Variants in TEAD1 observed in about 807,000 individuals in gnomAD.
TEAD1 encodes TEA domain transcription factor 1.
In TEAD1, 9 loss-of-function variants were observed where a neutral mutation model predicts 54.9. That is an observed-to-expected ratio of 0.16 (90% CI 0.10 to 0.29). The LOEUF is 0.29. Among genes scored for constraint, TEAD1 ranks in the 10% least tolerant of loss-of-function variants. The probability of loss-of-function intolerance (pLI) is 1.00; values close to 1 mark genes in which losing one functional copy is unlikely to be tolerated. For synonymous variants in TEAD1, 200 were observed against 187.8 expected, an observed-to-expected ratio of 1.07 and a Z score of -0.53; for missense variants, 387 against 535.9, an observed-to-expected ratio of 0.72 and a Z score of 2.74.
chr11:12,881,314 T>A (rs941972958), intron 7 of TEAD1, among the ~76,000 whole-genome samples: 1 of 152,140 alleles, frequency 6.6e-6, no homozygotes, highest in Non-Finnish European at 1.5e-5. Context: ...AGTGGACCCC[T>A]CTTCCTTCAT....
chr11:12,800,851 A>G (rs1309235775), intron 3 of TEAD1, among the ~76,000 whole-genome samples: 1 of 152,144 alleles, frequency 6.6e-6, no homozygotes, highest in Admixed American at 6.5e-5. Flanking sequence ...AGAGTCCTAT[A>G]TAGCTGTCTT....
chr11:12,826,657 A>C (rs923520346), intron 3 of TEAD1, among the ~76,000 whole-genome samples: 9 of 152,154 alleles, frequency 5.9e-5, no homozygotes, highest in Admixed American at 2.6e-4. Context: ...CAAATCCTTC[A>C]CTTCATCTGC....
chr11:12,736,560 A>G (rs979973209), intron 2 of TEAD1, among the ~76,000 whole-genome samples: 19 of 152,226 alleles, frequency 1.2e-4, no homozygotes, highest in African/African-American at 2.7e-4. Context: ...ATGTGCGTCT[A>G]TGAATATTTA....
At chr11:12,749,639 C>G (rs994308461) in intron 2 of TEAD1, among the ~76,000 whole-genome samples, 1 of 152,196 alleles carries the variant, frequency 6.6e-6, no homozygotes, top group Non-Finnish European at 1.5e-5. Context: ...TGATGTCAGA[C>G]ATGAGCGCAT....
intron 8 of TEAD1, among the ~76,000 whole-genome samples, chr11:12,882,208 G>A (rs910846383): frequency 8.5e-5 from 13 of 152,164 alleles, no homozygotes; most frequent in Non-Finnish European, 2.9e-5. Flanking sequence ...CACTGAAGAC[G>A]CTGGATTATC....
chr11:12,762,706 T>C (rs972408088), intron 2 of TEAD1, among the ~76,000 whole-genome samples: 29 of 152,274 alleles, frequency 1.9e-4, no homozygotes, highest in African/African-American at 6.7e-4. Flanking sequence ...GTTATAGTTA[T>C]ACCATTAATT....
intron 12 of TEAD1, among the ~76,000 whole-genome samples, chr11:12,936,192 T>TG (rs1329457491): frequency 6.6e-6 from 1 of 152,282 alleles, no homozygotes; most frequent in South Asian, 2.1e-4. Context: ...GAGAATAGCA[T>TG]GGGGAATTGA....
At chr11:12,894,659 G>A (rs186500981) in intron 9 of TEAD1, among the ~76,000 whole-genome samples, 351 of 152,322 alleles carry the variant, frequency 2.3e-3, no homozygotes, top group African/African-American at 8.0e-3. Context: ...CACTACCCTA[G>A]CACCGATGGT....
intron 9 of TEAD1, among the ~76,000 whole-genome samples, chr11:12,888,999 TTGG>T (rs1471896750): frequency 2.6e-5 from 4 of 152,082 alleles, no homozygotes; most frequent in East Asian, 1.9e-4. Flanking sequence ...CTTCCCCAAG[TTGG>T]TGGTGGTTTA....
At chr11:12,798,311 C>T (rs1945979520) in intron 3 of TEAD1, among the ~76,000 whole-genome samples, 1 of 152,206 alleles carries the variant, frequency 6.6e-6, no homozygotes, top group East Asian at 1.9e-4. Flanking sequence ...TTATTTCTCT[C>T]TCTTTCCTTT....
At chr11:12,859,721 A>G (rs1947460928) in intron 3 of TEAD1, among the ~76,000 whole-genome samples, 1 of 152,210 alleles carries the variant, frequency 6.6e-6, no homozygotes, top group African/African-American at 2.4e-5. Flanking sequence ...GCAGGCAGGA[A>G]TGATAGACTG....
intron 8 of TEAD1, 118 bp downstream of exon 8, chr11:12,882,075 CT>C: frequency 9.0e-7 from 1 of 1,114,242 alleles, no homozygotes; most frequent in Non-Finnish European, 1.3e-6. Context: ...CACATTGCCC[CT>C]GACTTGCAGG....
At chr11:12,882,463 C>T (rs1947993442) in intron 8 of TEAD1, among the ~76,000 whole-genome samples, 1 of 152,204 alleles carries the variant, frequency 6.6e-6, no homozygotes, top group Non-Finnish European at 1.5e-5. Flanking sequence ...TGTAGAATTA[C>T]TCCTTTGCAC....
chr11:12,752,326 T>C (rs1944892507), intron 2 of TEAD1, among the ~76,000 whole-genome samples: 1 of 151,542 alleles, frequency 6.6e-6, no homozygotes. Context: ...GTCCCTTGTG[T>C]TTTTCCATTT....
At chr11:12,740,115 G>T (rs539744375) in intron 2 of TEAD1, among the ~76,000 whole-genome samples, 2 of 152,296 alleles carry the variant, frequency 1.3e-5, no homozygotes, top group South Asian at 4.1e-4. Flanking sequence ...GTCTTATGTG[G>T]TGGTTATCAA....
intron 9 of TEAD1, 82 bp downstream of exon 9, chr11:12,883,207 T>C: frequency 6.3e-7 from 1 of 1,599,982 alleles, no homozygotes; most frequent in Non-Finnish European, 8.5e-7. Flanking sequence ...CTTTCTTTCC[T>C]CCTTTACCCC....
At chr11:12,696,629 G>GTT (rs1943590161) in intron 2 of TEAD1, among the ~76,000 whole-genome samples, 3 of 152,120 alleles carry the variant, frequency 2.0e-5, no homozygotes, top group Non-Finnish European at 2.9e-5. Context: ...TAATGAACTC[G>GTT]TATTCCCTTA....
intron 3 of TEAD1, among the ~76,000 whole-genome samples, chr11:12,799,841 C>CT (rs964685531): frequency 1.3e-5 from 2 of 151,776 alleles, no homozygotes; most frequent in Admixed American, 6.6e-5. Context: ...TAGTGTTTTG[C>CT]TTTTTTTTAA....
In TEAD1 at chr11:12,674,851, G is replaced by A. The variant is rs1175679180; in HGVS notation, c.-208+17G>A. ...TGGGCCGAGGTAAGTTGGCGCGCGG[G>A]GCGGATGCTGGGGTGCGGGGGGCGC... On this transcript the variant is annotated intron_variant, in intron 1 of 12. Transcript: ENST00000527636. 1 of 150,950 alleles carries A rather than the reference G, an allele frequency of 6.6e-6. No homozygotes were observed. Among genetic ancestry groups the A allele is most frequent in the African/African-American group, 2.4e-5 (1 of 41,172 alleles). 9.4% of individuals were successfully genotyped at this position (150,950 alleles called of 1,614,324 possible). A position where few individuals can be genotyped will look rare whatever the true frequency, so the allele number is the denominator to read the frequency against.
Sources: gnomAD v4.1 joint callset for allele counts (sites outside exome capture counted in the v4.1 genomes callset) on GRCh38, gnomAD v4.1.1 for gene constraint, MANE v1.5 for transcripts, NCBI Gene and HGNC (gene_info 2026-07-23, HGNC 2026-07-21) for gene names.